Variants in PHF20 observed in about 807,000 individuals in gnomAD.
PHF20 encodes glioma-expressed antigen 2.
A neutral mutation model predicts 113.5 loss-of-function variants in PHF20; 23 were observed. That is an observed-to-expected ratio of 0.20 (90% CI 0.15 to 0.29). PHF20 has a LOEUF of 0.29. Ranked by LOEUF, PHF20 falls within the 10% of genes least tolerant of loss-of-function variation. The probability of loss-of-function intolerance (pLI) is 1.00; values close to 1 mark genes in which losing one functional copy is unlikely to be tolerated. For synonymous variants in PHF20, 434 were observed against 457.3 expected, an observed-to-expected ratio of 0.95 and a Z score of 0.65; for missense variants, 943 against 1,219.6, an observed-to-expected ratio of 0.77 and a Z score of 3.38.
chr20:35,785,113 T>C (rs937653136), intron 1 of PHF20, among the ~76,000 whole-genome samples: 1 of 151,918 alleles, frequency 6.6e-6, no homozygotes, highest in Admixed American at 6.6e-5. Context: ...AAGTCCCAGC[T>C]CTTCTATCTA....
At chr20:35,847,285 T>A in intron 3 of PHF20, 65 bp from the exon 4 acceptor site, 1 of 1,028,202 alleles carries the variant, frequency 9.7e-7, no homozygotes, top group Non-Finnish European at 1.5e-6. Context: ...AGATCTGGTA[T>A]GTCCTGTATG....
At chr20:35,793,724 G>A (rs996620616) in intron 1 of PHF20, among the ~76,000 whole-genome samples, 3 of 151,346 alleles carry the variant, frequency 2.0e-5, no homozygotes, top group Non-Finnish European at 4.4e-5. Context: ...CTCGCATGGC[G>A]CAGTGGCTCA....
intron 15 of PHF20, among the ~76,000 whole-genome samples, chr20:35,934,772 G>A (rs770904230): frequency 5.9e-5 from 9 of 152,206 alleles, no homozygotes; most frequent in Admixed American, 2.0e-4. Context: ...TGGATGCTGG[G>A]GCAATTAGCA....
chr20:35,893,147 C>T (rs902197509), intron 9 of PHF20, among the ~76,000 whole-genome samples: 4 of 152,204 alleles, frequency 2.6e-5, no homozygotes, highest in African/African-American at 9.7e-5. Flanking sequence ...TTCAGCTGTA[C>T]TAACTTTTGC....
chr20:35,815,620 C>T (rs2042059452), intron 2 of PHF20, among the ~76,000 whole-genome samples: 1 of 151,988 alleles, frequency 6.6e-6, no homozygotes, highest in Non-Finnish European at 1.5e-5. Context: ...CGCATGCCAC[C>T]ATGCCTGGCT....
At chr20:35,780,220 TC>T (rs371261486) in intron 1 of PHF20, among the ~76,000 whole-genome samples, 1 of 149,942 alleles carries the variant, frequency 6.7e-6, no homozygotes, top group Non-Finnish European at 1.5e-5. Flanking sequence ...ACCCCAGATT[TC>T]TTTTTTTTTT....
chr20:35,859,539 T>C (rs978915737), intron 5 of PHF20, among the ~76,000 whole-genome samples: 3 of 151,774 alleles, frequency 2.0e-5, no homozygotes, highest in Non-Finnish European at 2.9e-5. Flanking sequence ...GTTGTGTCTT[T>C]GGTTTTTGGT....
chr20:35,787,525 G>C (rs1050165340), intron 1 of PHF20, among the ~76,000 whole-genome samples: 4 of 146,990 alleles, frequency 2.7e-5, no homozygotes, highest in Non-Finnish European at 6.0e-5. Flanking sequence ...GTTTCGCTCT[G>C]TCTCCCTGGC....
chr20:35,809,379 G>A (rs1209193852), intron 2 of PHF20, among the ~76,000 whole-genome samples: 1 of 152,056 alleles, frequency 6.6e-6, no homozygotes, highest in Non-Finnish European at 1.5e-5. Context: ...AGCAGTTTGA[G>A]ACCAGCCTGG....
intron 5 of PHF20, among the ~76,000 whole-genome samples, chr20:35,862,567 A>G (rs1042729420): frequency 1.3e-5 from 2 of 151,924 alleles, no homozygotes; most frequent in African/African-American, 4.8e-5. Context: ...ATTGCTACAA[A>G]AAATAACAAT....
At chr20:35,917,405 C>T in intron 12 of PHF20, 79 bp from the exon 13 acceptor site, 1 of 1,258,072 alleles carries the variant, frequency 7.9e-7, no homozygotes. Context: ...ACTATAATGT[C>T]ATTTTTCATT....
At chr20:35,825,902 A>G (rs566664689) in intron 2 of PHF20, among the ~76,000 whole-genome samples, 2 of 152,236 alleles carry the variant, frequency 1.3e-5, no homozygotes, top group East Asian at 3.9e-4. Flanking sequence ...AGCTTGATGA[A>G]CTTTTACATA....
intron 5 of PHF20, 52 bp downstream of exon 5, chr20:35,858,433 T>A (rs759895340): frequency 1.0e-6 from 1 of 961,488 alleles, no homozygotes; most frequent in East Asian, 2.5e-5. Flanking sequence ...AACATTGTAG[T>A]TTTGTTTCCT....
intron 9 of PHF20, among the ~76,000 whole-genome samples, chr20:35,876,115 C>G (rs1394719016): frequency 4.6e-5 from 7 of 152,084 alleles, no homozygotes; most frequent in Non-Finnish European, 8.8e-5. Context: ...GAAACCATTG[C>G]AACTGATTGA....
At chr20:35,927,710 AG>A (rs2055669836) in intron 13 of PHF20, 69 bp from the exon 14 acceptor site, 4 of 1,145,176 alleles carry the variant, frequency 3.5e-6, no homozygotes, top group Non-Finnish European at 5.3e-6. Flanking sequence ...TCCCCTCAGC[AG>A]GTGGGTCTTA....
At position 35,938,906 on chromosome 20, in the gene PHF20, G is replaced by A. The variant is rs2055921888; in HGVS notation, c.2510G>A (p.Ser837Asn). The A allele has an allele frequency of 6.2e-7, 1 of 1,614,192 alleles. No individual in the cohort carries two copies. The highest frequency in any genetic ancestry group is 8.5e-7 in the Non-Finnish European group (1 of 1,180,038). Residue 837 changes from serine (S) to asparagine (N), a missense_variant, in exon 16 of 18, where the codon AGT (serine) becomes AAT (asparagine). Coordinates refer to ENST00000374012, the MANE Select transcript of PHF20 (RefSeq NM_016436.5). ...TCTGTGGAGGAATCCTATATCACCAGTGAGCATTGCTACCAGAAGCCCCGC... is the reference window on the plus strand; with the variant it reads ...TCTGTGGAGGAATCCTATATCACCAATGAGCATTGCTACCAGAAGCCCCGC... Reference protein sequence around the residue: ...PRSVEESYITSEHCYQKPRAY... With the variant: ...PRSVEESYITNEHCYQKPRAY...
chr20:35,937,479 A>AAAAG (rs965187595), intron 15 of PHF20, among the ~76,000 whole-genome samples: 6 of 152,080 alleles, frequency 3.9e-5, no homozygotes, highest in East Asian at 1.9e-4. Flanking sequence ...AAAAAAAAAA[A>AAAAG]AAAGAAAGAA....
chr20:35,900,134 T>C (rs948904430), intron 10 of PHF20, among the ~76,000 whole-genome samples: 3 of 152,204 alleles, frequency 2.0e-5, no homozygotes, highest in Admixed American at 6.5e-5. Flanking sequence ...TTGTTTTGCA[T>C]AGAAACCATA....
intron 2 of PHF20, among the ~76,000 whole-genome samples, chr20:35,821,102 A>G (rs973434057): frequency 2.6e-5 from 4 of 152,070 alleles, no homozygotes; most frequent in African/African-American, 9.7e-5. Flanking sequence ...TGTGATAGTA[A>G]GTCATTGAAA....
Sources: allele counts gnomAD v4.1 joint callset (sites outside exome capture counted in the v4.1 genomes callset), GRCh38; gene constraint gnomAD v4.1.1; transcripts MANE v1.5; gene names NCBI Gene and HGNC (gene_info 2026-07-23, HGNC 2026-07-21).